Variants in GLIS3 observed in about 807,000 individuals in gnomAD.
GLIS3 encodes zinc finger protein GLIS3.
Under a neutral mutation model 78.6 loss-of-function variants are expected in GLIS3, and 53 were observed. The ratio of observed to expected loss-of-function variants is 0.67; its 90% CI spans 0.54 to 0.85. GLIS3 has a LOEUF of 0.85. Among genes scored for constraint, GLIS3 ranks in the 40% least tolerant of loss-of-function variants. The pLI, the probability that GLIS3 is intolerant of heterozygous loss-of-function variation, is 0.00. For missense variants in GLIS3, 1,703 were observed against 1,231.1 expected (o/e 1.38, Z -5.74); for synonymous variants, 684 against 509.9 (o/e 1.34, Z -4.60).
chr9:4,368,567 G>C, the GLIS3 span, among the ~76,000 whole-genome samples: 1 of 152,164 alleles, frequency 6.6e-6, no homozygotes, highest in South Asian at 2.1e-4. Flanking sequence ...TAGCCAGGAT[G>C]GTCTCCATCT....
intron 4 of GLIS3, among the ~76,000 whole-genome samples, chr9:3,980,722 G>GT (rs1359804509): frequency 4.6e-5 from 7 of 152,116 alleles, no homozygotes; most frequent in African/African-American, 1.7e-4. Flanking sequence ...CAAGGTAAAG[G>GT]TTTTTTAAGA....
At chr9:4,165,030 C>T (rs1835771115) in intron 2 of GLIS3, among the ~76,000 whole-genome samples, 1 of 152,140 alleles carries the variant, frequency 6.6e-6, no homozygotes, top group Non-Finnish European at 1.5e-5. Flanking sequence ...CTTGTGGAAA[C>T]CCATGTAGGC....
chr9:4,213,991 G>T (rs1198074673), intron 2 of GLIS3, among the ~76,000 whole-genome samples: 2 of 151,540 alleles, frequency 1.3e-5, no homozygotes, highest in African/African-American at 4.9e-5. Context: ...GAGACAGACA[G>T]GTTATTAAAA....
intron 4 of GLIS3, among the ~76,000 whole-genome samples, chr9:4,023,057 T>C (rs775347362): frequency 1.3e-5 from 2 of 152,150 alleles, no homozygotes; most frequent in African/African-American, 2.4e-5. Context: ...AAGAATGTAA[T>C]TTACTATACA....
chr9:4,082,394 T>C (rs1828627743), intron 4 of GLIS3, among the ~76,000 whole-genome samples: 1 of 152,308 alleles, frequency 6.6e-6, no homozygotes, highest in Non-Finnish European at 1.5e-5. Flanking sequence ...TTTCTTCCCC[T>C]AAGAAATAAA....
At chr9:4,368,176 C>T in the GLIS3 span, among the ~76,000 whole-genome samples, 9 of 152,216 alleles carry the variant, frequency 5.9e-5, no homozygotes, top group South Asian at 4.2e-4. Flanking sequence ...TTTATCCTTA[C>T]GTTTTAAAAA....
intron 7 of GLIS3, among the ~76,000 whole-genome samples, chr9:3,885,814 G>A (rs903339838): frequency 6.6e-6 from 1 of 152,188 alleles, no homozygotes; most frequent in Non-Finnish European, 1.5e-5. Flanking sequence ...GCACTTTATA[G>A]AGACATTGTC....
intron 6 of GLIS3, among the ~76,000 whole-genome samples, chr9:3,918,549 T>C (rs1490164686): frequency 6.6e-6 from 1 of 152,066 alleles, no homozygotes; most frequent in East Asian, 1.9e-4. Context: ...CATAAGAAAA[T>C]GATGATACTC....
intron 4 of GLIS3, among the ~76,000 whole-genome samples, chr9:4,050,532 C>T (rs529204526): frequency 7.9e-5 from 12 of 152,118 alleles, no homozygotes; most frequent in Admixed American, 2.0e-4. Flanking sequence ...GCCAACATGG[C>T]ACATGTATAC....
chr9:4,056,237 G>C (rs544699727), intron 4 of GLIS3, among the ~76,000 whole-genome samples: 112 of 152,318 alleles, frequency 7.4e-4, no homozygotes, highest in African/African-American at 2.6e-3. Flanking sequence ...CCAGCTCACA[G>C]AGCCTACATT....
intron 4 of GLIS3, among the ~76,000 whole-genome samples, chr9:4,088,854 C>CT (rs2130739644): frequency 6.6e-6 from 1 of 152,354 alleles, no homozygotes; most frequent in South Asian, 2.1e-4. Flanking sequence ...AGTTGAGATA[C>CT]TTCACAGCCA....
intron 7 of GLIS3, among the ~76,000 whole-genome samples, chr9:3,881,411 T>A (rs796276835): frequency 6.6e-6 from 1 of 152,226 alleles, no homozygotes; most frequent in Non-Finnish European, 1.5e-5. Flanking sequence ...AAGGGAAGCA[T>A]TGCCCCTGCT....
intron 1 of GLIS3, among the ~76,000 whole-genome samples, chr9:4,297,352 G>A (rs1237893116): frequency 1.3e-5 from 2 of 152,146 alleles, no homozygotes; most frequent in Non-Finnish European, 2.9e-5. Flanking sequence ...TGAGGCCTTG[G>A]GCAAAACCTC....
At chr9:3,927,614 C>A (rs766627662) in intron 6 of GLIS3, among the ~76,000 whole-genome samples, 1 of 152,164 alleles carries the variant, frequency 6.6e-6, no homozygotes, top group Non-Finnish European at 1.5e-5. Flanking sequence ...TCTGTATTTA[C>A]GGAAAGGCCA....
At chr9:4,401,680 G>A in the GLIS3 span, among the ~76,000 whole-genome samples, 1 of 151,284 alleles carries the variant, frequency 6.6e-6, no homozygotes, top group Non-Finnish European at 1.5e-5. Context: ...CGATTCTCAT[G>A]CCTCAGCCTC....
At chr9:4,217,093 T>C (rs911489) in intron 2 of GLIS3, among the ~76,000 whole-genome samples, 152,158 of 152,300 alleles carry the variant, frequency 1, 76,008 homozygotes, top group Non-Finnish European at 1. Flanking sequence ...CTTCTGTGAT[T>C]TCTCCCATGC....
chr9:4,029,978 G>T (rs1490899112), intron 4 of GLIS3, among the ~76,000 whole-genome samples: 1 of 152,142 alleles, frequency 6.6e-6, no homozygotes, highest in African/African-American at 2.4e-5. Context: ...TTGATAGCTG[G>T]ATCTTACGGT....
chr9:4,305,951 C>G (rs1817218052), intron 4 of GLIS3: 1 of 152,148 alleles, frequency 6.6e-6, no homozygotes, highest in Non-Finnish European at 1.5e-5. Context: ...ATTACAGCAA[C>G]TTATAGAGGT....
At chr9:4,169,205 G>T (rs1816151467) in intron 2 of GLIS3, among the ~76,000 whole-genome samples, 1 of 152,230 alleles carries the variant, frequency 6.6e-6, no homozygotes, top group Admixed American at 6.5e-5. Flanking sequence ...TCTACTGATT[G>T]GCAGACACAA....
Sources: gnomAD v4.1 joint callset for allele counts (sites outside exome capture counted in the v4.1 genomes callset) on GRCh38, gnomAD v4.1.1 for gene constraint, MANE v1.5 for transcripts, NCBI Gene and HGNC (gene_info 2026-07-23, HGNC 2026-07-21) for gene names.